The following PABPC1L variants were observed in gnomAD, a reference collection of about 807,000 sequenced individuals.
The protein encoded by PABPC1L is polyadenylate-binding protein 1-like.
Under a neutral mutation model 66.6 loss-of-function variants are expected in PABPC1L, and 31 were observed. That is an observed-to-expected ratio of 0.47 (90% CI 0.35 to 0.63). The LOEUF (loss-of-function observed/expected upper bound fraction) is 0.63. Ranked by LOEUF, PABPC1L falls within the 20% of genes least tolerant of loss-of-function variation. The pLI, the probability that PABPC1L is intolerant of heterozygous loss-of-function variation, is 0.00. For missense variants in PABPC1L, 722 were observed against 848.8 expected, an observed-to-expected ratio of 0.85 and a Z score of 1.86; for synonymous variants, 348 against 335.1, an observed-to-expected ratio of 1.04 and a Z score of -0.42.
chr20:44,932,616 A>C lies in PABPC1L; in HGVS notation c.1330+184A>C, dbSNP rs2066869686. The C allele has an allele frequency of 5.5e-6, 3 of 546,726 alleles. No individual in the cohort carries two copies. In the South Asian group the frequency reaches 8.5e-5, roughly 16 times the overall value. 33.9% of individuals were successfully genotyped at this position (546,726 alleles called of 1,614,324 possible). On this transcript the variant is annotated intron_variant, in intron 9 of 14. Transcript: ENST00000217073. ...GAGACGTGTGTAAAGTACCAAGCAC[A>C]GTGGTGAGCCAATGGAAGACACGCA... is the stretch of plus-strand genomic sequence containing the variant.
In PABPC1L at chr20:44,910,109, C is replaced by G. The variant is rs774187010; in HGVS notation, c.-35C>G. On this transcript the variant is annotated 5_prime_UTR_variant, in exon 1 of 15. Transcript: ENST00000217073. ...CGCGGGGCTGCTGGGTGACCCGGCTCCTGCTTGCCCCGCAGCCCCGGCCCC... is the reference window on the plus strand; with the variant it reads ...CGCGGGGCTGCTGGGTGACCCGGCTGCTGCTTGCCCCGCAGCCCCGGCCCC... 1.3e-6 allele frequency: 2 copies of G among 1,518,846 alleles called. No homozygotes were observed. Among genetic ancestry groups the G allele is most frequent in the East Asian group, 2.6e-5 (1 of 38,904 alleles). The allele number at this position is 1,518,846 out of a possible 1,614,324, so 94.1% of individuals were successfully genotyped here.
At chr20:44,912,302 A>G (rs145663715) in intron 1 of PABPC1L, among the ~76,000 whole-genome samples, 130 of 152,270 alleles carry the variant, frequency 8.5e-4, no homozygotes, top group African/African-American at 3.0e-3. Context: ...CACTCAGTGT[A>G]CTTTAGAATC....
chr20:44,920,001 C>T (rs2425683), intron 5 of PABPC1L, among the ~76,000 whole-genome samples: 63,449 of 151,874 alleles, frequency 0.42, 13,841 homozygotes, highest in African/African-American at 0.53. Context: ...GTTCTTTTTT[C>T]AGTGTAGTTT....
At position 44,932,375 on chromosome 20, in the gene PABPC1L, C is replaced by T. The variant is rs779997619; in HGVS notation, c.1273C>T (p.Pro425Ser). 3.1e-6 allele frequency: 5 copies of T among 1,613,682 alleles called. No homozygotes were observed. Among genetic ancestry groups the T allele is most frequent in the Non-Finnish European group, 4.2e-6 (5 of 1,179,812 alleles). The change falls in exon 9 of 15, where the codon CCA becomes TCA. Residue 425 changes from proline (P) to serine (S), a missense_variant. Pro to Ser is a moderately conservative substitution (Grantham distance 74). This residue lies in a region of PABPC1L where 301 missense variants were observed against 337.2 expected (regional missense o/e 0.89). Transcript: ENST00000217073. ...PAQAAYYGCG[P>S]VTPTQPAPRW... ...CCAGGCTGCATACTATGGCTGTGGC[C>T]CAGTGACACCCACCCAGCCTGCCCC... is the stretch of plus-strand genomic sequence containing the variant.
In PABPC1L at chr20:44,939,155, A is replaced by G. The variant is rs1443396869; in HGVS notation, c.*36A>G. On this transcript the variant is annotated 3_prime_UTR_variant, in exon 15 of 15. Transcript: ENST00000217073. ...GGAAATCCTCGCTTCCATGGCTGCCAAAAGGACAGTGTTTCTGGCTCTCAG... is the reference window on the plus strand; with the variant it reads ...GGAAATCCTCGCTTCCATGGCTGCCGAAAGGACAGTGTTTCTGGCTCTCAG... 11 of 717,970 alleles carry G rather than the reference A, an allele frequency of 1.5e-5. No homozygotes were observed. In the East Asian group the frequency reaches 2.9e-4, roughly 19 times the overall value. The allele number at this position is 717,970 out of a possible 1,614,324, so 44.5% of individuals were successfully genotyped here.
intron 7 of PABPC1L, among the ~76,000 whole-genome samples, chr20:44,925,671 C>T (rs1239600229): frequency 6.6e-6 from 1 of 152,036 alleles, no homozygotes; most frequent in Non-Finnish European, 1.5e-5. Flanking sequence ...CTTCAGGGAG[C>T]CTTGTGTTTG....
chr20:44,922,343 C>G, intron 6 of PABPC1L, among the ~76,000 whole-genome samples: 1 of 152,078 alleles, frequency 6.6e-6, no homozygotes. Flanking sequence ...CTCCTGGGTT[C>G]AAGAAAGTCT....
At chr20:44,924,607 G>T (rs1231342650) in intron 7 of PABPC1L, among the ~76,000 whole-genome samples, 1 of 152,186 alleles carries the variant, frequency 6.6e-6, no homozygotes, top group Non-Finnish European at 1.5e-5. Context: ...TTACCCTCCT[G>T]GGCCTCCGTT....
chr20:44,919,484 G>A (rs147376386), intron 5 of PABPC1L, among the ~76,000 whole-genome samples: 3 of 152,306 alleles, frequency 2.0e-5, no homozygotes, highest in East Asian at 1.9e-4. Context: ...CCTGATGTCC[G>A]CAGAGCTGAA....
chr20:44,937,616 T>C lies in PABPC1L; in HGVS notation c.1661-445T>C, dbSNP rs138115937. Among the ~76,000 whole-genome samples, 1,185 of 152,294 alleles carry C rather than the reference T, an allele frequency of 7.8e-3. 10 individuals are homozygous for C. The highest frequency in any genetic ancestry group is 0.026 in the African/African-American group (1,095 of 41,548). On this transcript the variant is annotated intron_variant, in intron 12 of 14. Coordinates refer to ENST00000217073, the MANE Select transcript of PABPC1L (RefSeq NM_001372179.1). ...TTTTATTAGAGATGGGGTTTCACCA[T>C]GTTGGCCAGGCTGGTTTCAAACTCC... is the stretch of plus-strand genomic sequence containing the variant.
chr20:44,916,368 G>A (rs1431900507), intron 2 of PABPC1L, among the ~76,000 whole-genome samples: 1 of 152,170 alleles, frequency 6.6e-6, no homozygotes. Flanking sequence ...CGCCTCCTCG[G>A]TTCAAGCAAT....
chr20:44,925,628 C>G (rs999900008), intron 7 of PABPC1L, among the ~76,000 whole-genome samples: 1 of 152,128 alleles, frequency 6.6e-6, no homozygotes, highest in African/African-American at 2.4e-5. Flanking sequence ...TCTAGAAGTT[C>G]TCTTTTGGCT....
intron 11 of PABPC1L, among the ~76,000 whole-genome samples, chr20:44,936,297 G>T (rs537346012): frequency 6.6e-5 from 10 of 152,300 alleles, no homozygotes; most frequent in African/African-American, 2.4e-4. Flanking sequence ...ATGTGAAAGG[G>T]TGAGAGGTGT....
intron 11 of PABPC1L, 25 bp downstream of exon 11, chr20:44,935,522 C>T: frequency 1.9e-6 from 3 of 1,603,604 alleles, no homozygotes; most frequent in Non-Finnish European, 2.6e-6. Flanking sequence ...GCTGCCTGCT[C>T]TTAGCCTGGG....
chr20:44,927,808 G>A (rs563254508), intron 7 of PABPC1L, among the ~76,000 whole-genome samples: 80 of 152,182 alleles, frequency 5.3e-4, no homozygotes, highest in African/African-American at 1.8e-3. Context: ...TCCTGTCTCA[G>A]CCTCCCAAGT....
At chr20:44,933,748 A>ATTTTT (rs749525367) in intron 10 of PABPC1L, among the ~76,000 whole-genome samples, 1 of 119,480 alleles carries the variant, frequency 8.4e-6, no homozygotes, top group African/African-American at 3.3e-5. Flanking sequence ...CCCAGCCTTA[A>ATTTTT]TTTTTTTTTT....
intron 7 of PABPC1L, 29 bp downstream of exon 7, chr20:44,924,285 A>G: frequency 6.7e-7 from 1 of 1,497,980 alleles, no homozygotes. Flanking sequence ...TCCGGGGGAC[A>G]GCGTTCCCCT....
intron 3 of PABPC1L, among the ~76,000 whole-genome samples, chr20:44,917,461 G>C (rs1213905362): frequency 6.7e-6 from 1 of 149,604 alleles, no homozygotes; most frequent in African/African-American, 2.5e-5. Flanking sequence ...GCCTCCTAAA[G>C]TGTTAAAATG....
At chr20:44,938,322 C>A in intron 13 of PABPC1L, 131 bp downstream of exon 13, 1 of 1,246,346 alleles carries the variant, frequency 8.0e-7, no homozygotes. Flanking sequence ...TACCTGAAGG[C>A]CTGCTGAATC....
Sources: allele counts gnomAD v4.1 joint callset (sites outside exome capture counted in the v4.1 genomes callset), GRCh38; gene constraint gnomAD v4.1.1; regional missense constraint gnomAD v4.1.1; transcripts MANE v1.5; gene names NCBI Gene and HGNC (gene_info 2026-07-23, HGNC 2026-07-21).